EFHC1: variants seen among roughly 807,000 people sequenced by gnomAD.
The protein encoded by EFHC1 is EF-hand domain containing 1.
In EFHC1, 53 loss-of-function variants were observed where a neutral mutation model predicts 69.9. The ratio of observed to expected loss-of-function variants is 0.76; its 90% CI spans 0.61 to 0.95. The LOEUF is 0.95. Among genes scored for constraint, EFHC1 ranks in the 40% least tolerant of loss-of-function variants. EFHC1 has a pLI of 0.00. For missense variants in EFHC1, 739 were observed against 798.7 expected (o/e 0.93, Z 0.90); for synonymous variants, 256 against 278.4 (o/e 0.92, Z 0.80).
At chr6:52,462,935 A>T (rs1412452496) in intron 5 of EFHC1, among the ~76,000 whole-genome samples, 1 of 150,838 alleles carries the variant, frequency 6.6e-6, no homozygotes, top group Non-Finnish European at 1.5e-5. Flanking sequence ...ATTAAACATA[A>T]AATAAAATAA....
chr6:52,492,668 G>A lies in EFHC1; in HGVS notation c.*327G>A, dbSNP rs1001353699. The A allele has an allele frequency of 6.5e-6, 3 of 461,908 alleles. No homozygotes were observed. Among genetic ancestry groups the A allele is most frequent in the African/African-American group, 6.0e-5 (3 of 50,172 alleles). 28.6% of individuals were successfully genotyped at this position (461,908 alleles called of 1,614,324 possible). A position where few individuals can be genotyped will look rare whatever the true frequency, so the allele number is the denominator to read the frequency against. On this transcript the variant is annotated 3_prime_UTR_variant, in exon 11 of 11. Transcript: ENST00000371068. Reference sequence around the variant, plus strand: ...CTCACTCTGTCATACAGGCTGGAGTGTGGTGGCACTATCCTAGTTCTATGA... The same window carrying A: ...CTCACTCTGTCATACAGGCTGGAGTATGGTGGCACTATCCTAGTTCTATGA...
intron 3 of EFHC1, among the ~76,000 whole-genome samples, chr6:52,451,523 C>G (rs902669608): frequency 3.3e-5 from 5 of 152,158 alleles, no homozygotes; most frequent in African/African-American, 1.2e-4. Flanking sequence ...TGATGGGGTT[C>G]CCTTTGTACG....
At chr6:52,453,889 C>A (rs186450427) in intron 4 of EFHC1, 45 of 1,415,280 alleles carry the variant, frequency 3.2e-5, no homozygotes, top group East Asian at 2.7e-4. Context: ...TTATTTAATT[C>A]TTTCCAGCTG....
intron 4 of EFHC1, 38 bp downstream of exon 4, chr6:52,452,875 C>T (rs1764949211): frequency 6.2e-7 from 1 of 1,613,252 alleles, no homozygotes; most frequent in Admixed American, 1.7e-5. Context: ...TTACTTATTT[C>T]CAAATGTGAC....
At position 52,492,621 on chromosome 6, in the gene EFHC1, T is replaced by A. The variant is rs1287193352; in HGVS notation, c.*280T>A. On this transcript the variant is annotated 3_prime_UTR_variant, in exon 11 of 11. Transcript: ENST00000371068. ...TTTCCTTTCTTTCTTTTTAAAAAAA[T>A]AAATTTTTTTAGAGATGGGATCTCA... is the stretch of plus-strand genomic sequence containing the variant. 5.8e-6 allele frequency: 3 copies of A among 519,358 alleles called. No individual in the cohort carries two copies. The highest frequency in any genetic ancestry group is 4.7e-5 in the South Asian group (3 of 64,292). The allele number at this position is 519,358 out of a possible 1,614,324, so 32.2% of individuals were successfully genotyped here.
At chr6:52,420,976 T>A (rs1040851604) in intron 1 of EFHC1, 10 of 1,046,360 alleles carry the variant, frequency 9.6e-6, no homozygotes, top group Non-Finnish European at 1.0e-5. Context: ...CACCTCTTCC[T>A]CTTCTGAATC....
At chr6:52,452,540 A>G in intron 3 of EFHC1, 148 bp from the exon 4 acceptor site, 1 of 803,394 alleles carries the variant, frequency 1.2e-6, no homozygotes, top group Non-Finnish European at 2.0e-6. Flanking sequence ...GCGTTTCAGG[A>G]GTCCTCCTAC....
chr6:52,436,364 T>A (rs562860520), intron 2 of EFHC1, among the ~76,000 whole-genome samples: 1 of 152,192 alleles, frequency 6.6e-6, no homozygotes, highest in East Asian at 1.9e-4. Context: ...TTTTCCACAG[T>A]AGTTACGCTA....
At chr6:52,471,930 T>A (rs1181279053) in intron 7 of EFHC1, among the ~76,000 whole-genome samples, 1 of 151,146 alleles carries the variant, frequency 6.6e-6, no homozygotes, top group African/African-American at 2.4e-5. Flanking sequence ...TTTAAAAACC[T>A]TTGTTTACCA....
Position 52,420,487 on chromosome 6 carries a change from T to G in EFHC1, c.63+14T>G. The G allele has an allele frequency of 6.2e-7, 1 of 1,614,172 alleles. No homozygotes were observed. Among genetic ancestry groups the G allele is most frequent in the East Asian group, 2.2e-5 (1 of 44,882 alleles). Reference sequence around the variant, plus strand: ...AAGGACTCTACGGTGAGCAGTTATCTGCCAGACTCCCACCTGTCCCCACCT... The same window carrying G: ...AAGGACTCTACGGTGAGCAGTTATCGGCCAGACTCCCACCTGTCCCCACCT... On this transcript the variant is annotated intron_variant, in intron 1 of 10. Coordinates refer to ENST00000371068, the MANE Select transcript of EFHC1 (RefSeq NM_018100.4).
rs542581025 is a variant in EFHC1, at chr6:52,488,120, C to T, written c.1641-2020C>T. The stretch of plus-strand genomic sequence containing the variant: ...GGAAAGGGAGAGTTATTGTCTCTTT[C>T]CCCAAATGATTGGATGATCACATTT... On this transcript the variant is annotated intron_variant, in intron 9 of 10. Coordinates refer to ENST00000371068, the MANE Select transcript of EFHC1 (RefSeq NM_018100.4). The T allele has an allele frequency of 1.6e-4, 24 of 152,314 alleles. No individual in the cohort carries two copies. The East Asian group carries it at 2.7e-3, about 17-fold the overall frequency. 9.4% of individuals were successfully genotyped at this position (152,314 alleles called of 1,614,324 possible).
intron 3 of EFHC1, among the ~76,000 whole-genome samples, chr6:52,440,458 A>G (rs1289773450): frequency 6.6e-6 from 1 of 152,020 alleles, no homozygotes; most frequent in Non-Finnish European, 1.5e-5. Flanking sequence ...AAACACAAAA[A>G]TGCAAAAAAT....
At chr6:52,436,486 T>C (rs1286340664) in intron 2 of EFHC1, among the ~76,000 whole-genome samples, 1 of 152,190 alleles carries the variant, frequency 6.6e-6, no homozygotes, top group African/African-American at 2.4e-5. Context: ...CCTCTTATTC[T>C]AGTAGAGGCT....
Position 52,495,624 on chromosome 6 carries a change from C to T in EFHC1, c.*3283C>T, listed in dbSNP as rs1290139923. The T allele has an allele frequency of 2.2e-6, 1 of 452,880 alleles. No homozygotes were observed. Among genetic ancestry groups the T allele is most frequent in the South Asian group, 1.6e-5 (1 of 64,462 alleles). The allele number at this position is 452,880 out of a possible 1,614,324, so 28.1% of individuals were successfully genotyped here. ...TGTTTTTTAGAGACAGGGTCTTACT[C>T]TGTTGCCAGACTGGAATGCGGTGGT... On this transcript the variant is annotated 3_prime_UTR_variant, in exon 11 of 11. Coordinates refer to ENST00000371068, the MANE Select transcript of EFHC1 (RefSeq NM_018100.4).
intron 1 of EFHC1, chr6:52,421,159 C>T (rs9382107): frequency 0.083 from 48,966 of 592,466 alleles, 2,290 homozygotes; most frequent in East Asian, 0.16. Context: ...CATCCTCTCC[C>T]CATTCCTTTC....
chr6:52,421,461 G>T (rs1764190341), intron 1 of EFHC1, among the ~76,000 whole-genome samples: 1 of 151,504 alleles, frequency 6.6e-6, no homozygotes, highest in Non-Finnish European at 1.5e-5. Context: ...CCACAGTTTA[G>T]CTCTTAAAAT....
intron 9 of EFHC1, chr6:52,486,168 T>C (rs1423066880): frequency 6.6e-6 from 1 of 152,238 alleles, no homozygotes; most frequent in Non-Finnish European, 1.5e-5. Context: ...GTCAGACCAG[T>C]ACTTTTTATG....
At chr6:52,489,287 G>T (rs1322324275) in intron 9 of EFHC1, 1 of 152,228 alleles carries the variant, frequency 6.6e-6, no homozygotes, top group Non-Finnish European at 1.5e-5. Context: ...GGATGTGAGT[G>T]CTAGTTTTGC....
Position 52,494,097 on chromosome 6 carries a change from G to A in EFHC1, c.*1756G>A. The A allele has an allele frequency of 2.2e-6, 1 of 453,798 alleles. No homozygotes were observed. The highest frequency in any genetic ancestry group is 4.4e-6 in the Non-Finnish European group (1 of 226,756). 28.1% of individuals were successfully genotyped at this position (453,798 alleles called of 1,614,324 possible). A position where few individuals can be genotyped will look rare whatever the true frequency, so the allele number is the denominator to read the frequency against. The stretch of plus-strand genomic sequence containing the variant: ...CTATTTAAAACAGTATCTCTTTCAA[G>A]TACAGATGCTCCTCTACTTATGGGG... On this transcript the variant is annotated 3_prime_UTR_variant, in exon 11 of 11. Coordinates refer to ENST00000371068, the MANE Select transcript of EFHC1 (RefSeq NM_018100.4).
Sources: gnomAD v4.1 joint callset for allele counts (sites outside exome capture counted in the v4.1 genomes callset) on GRCh38, gnomAD v4.1.1 for gene constraint, MANE v1.5 for transcripts, NCBI Gene and HGNC (gene_info 2026-07-23, HGNC 2026-07-21) for gene names.